The following NLGN1 variants were observed in gnomAD, a reference collection of about 807,000 sequenced individuals.
NLGN1 encodes the protein neuroligin 1.
A neutral mutation model predicts 65.5 loss-of-function variants in NLGN1; 12 were observed. That is an observed-to-expected ratio of 0.18 (90% CI 0.12 to 0.30). The LOEUF (loss-of-function observed/expected upper bound fraction) is 0.30, where lower values mean the gene tolerates loss of function less well. NLGN1 is among the 10% of genes least tolerant of loss of function. NLGN1 has a pLI of 1.00. For missense variants in NLGN1, 750 were observed against 1,007.1 expected, an observed-to-expected ratio of 0.74 and a Z score of 3.46; for synonymous variants, 350 against 359.5, an observed-to-expected ratio of 0.97 and a Z score of 0.30.
At chr3:173,926,415 A>G (rs929525507) in intron 4 of NLGN1, among the ~76,000 whole-genome samples, 1 of 152,176 alleles carries the variant, frequency 6.6e-6, no homozygotes, top group African/African-American at 2.4e-5. Flanking sequence ...TATAACTCGC[A>G]GCTTGCCATA....
At chr3:173,710,015 A>G (rs1768704292) in intron 3 of NLGN1, among the ~76,000 whole-genome samples, 2 of 152,134 alleles carry the variant, frequency 1.3e-5, no homozygotes, top group African/African-American at 2.4e-5. Flanking sequence ...ATTAAAACCT[A>G]CTGTTCATCT....
chr3:174,171,171 A>C (rs1273637351), intron 4 of NLGN1, among the ~76,000 whole-genome samples: 2 of 152,156 alleles, frequency 1.3e-5, no homozygotes, highest in Non-Finnish European at 2.9e-5. Context: ...TAATAAATCA[A>C]ATATTTTTGC....
At chr3:173,907,949 A>T (rs1343587212) in intron 4 of NLGN1, among the ~76,000 whole-genome samples, 1 of 152,082 alleles carries the variant, frequency 6.6e-6, no homozygotes, top group African/African-American at 2.4e-5. Context: ...CGAACTCCTG[A>T]CCTCAGGTGA....
chr3:173,644,821 T>A (rs1560099414), intron 3 of NLGN1: 1 of 152,974 alleles, frequency 6.5e-6, no homozygotes, highest in East Asian at 1.9e-4. Context: ...AGCCCTGCCC[T>A]GGCCAGGCCT....
At chr3:173,892,740 G>T (rs1735597480) in intron 4 of NLGN1, among the ~76,000 whole-genome samples, 1 of 151,614 alleles carries the variant, frequency 6.6e-6, no homozygotes, top group Non-Finnish European at 1.5e-5. Context: ...GAGCCACTGG[G>T]CAGGAAAATG....
At chr3:173,849,604 G>A (rs1726494350) in intron 4 of NLGN1, among the ~76,000 whole-genome samples, 1 of 152,174 alleles carries the variant, frequency 6.6e-6, no homozygotes, top group African/African-American at 2.4e-5. Flanking sequence ...CTATCTTAAA[G>A]TACTGCTTAT....
intron 4 of NLGN1, among the ~76,000 whole-genome samples, chr3:173,903,670 A>G (rs574485352): frequency 6.6e-6 from 1 of 152,258 alleles, no homozygotes; most frequent in African/African-American, 2.4e-5. Flanking sequence ...TACAGAATAT[A>G]GAAGAGAGGG....
chr3:173,582,121 C>T (rs903052956), intron 2 of NLGN1, among the ~76,000 whole-genome samples: 9 of 151,838 alleles, frequency 5.9e-5, no homozygotes, highest in South Asian at 2.1e-4. Flanking sequence ...AGCATCTTTC[C>T]GCAACATCCT....
At chr3:173,807,117 A>G (rs1237408915) in intron 3 of NLGN1, among the ~76,000 whole-genome samples, 1 of 152,196 alleles carries the variant, frequency 6.6e-6, no homozygotes, top group East Asian at 1.9e-4. Context: ...TTCATCTGAC[A>G]TTACTTAGGT....
At chr3:173,989,504 T>A (rs192661799) in intron 4 of NLGN1, among the ~76,000 whole-genome samples, 7 of 152,322 alleles carry the variant, frequency 4.6e-5, no homozygotes, top group African/African-American at 1.4e-4. Flanking sequence ...AATATATTTT[T>A]AAAAAATTCT....
intron 3 of NLGN1, among the ~76,000 whole-genome samples, chr3:173,682,746 A>G (rs1327252693): frequency 1.3e-5 from 2 of 152,156 alleles, no homozygotes; most frequent in African/African-American, 4.8e-5. Context: ...AGTAGGATAT[A>G]AATAACTCCC....
intron 2 of NLGN1, among the ~76,000 whole-genome samples, chr3:173,452,784 G>A (rs908515784): frequency 2.1e-4 from 32 of 152,172 alleles, no homozygotes; most frequent in African/African-American, 7.0e-4. Flanking sequence ...CAGAAATACT[G>A]TGTGTTCGGT....
At chr3:174,058,016 G>A (rs1469675017) in intron 4 of NLGN1, among the ~76,000 whole-genome samples, 2 of 152,084 alleles carry the variant, frequency 1.3e-5, no homozygotes. Flanking sequence ...AGAGACAGTT[G>A]TAGCTAAGAT....
chr3:173,942,222 C>T (rs968127495), intron 4 of NLGN1, among the ~76,000 whole-genome samples: 3 of 151,792 alleles, frequency 2.0e-5, no homozygotes, highest in Non-Finnish European at 2.9e-5. Flanking sequence ...TAGTGAAGCA[C>T]TGCCTATATT....
intron 4 of NLGN1, among the ~76,000 whole-genome samples, chr3:174,019,066 G>A (rs1035849436): frequency 7.6e-6 from 1 of 132,244 alleles, no homozygotes; most frequent in Non-Finnish European, 1.8e-5. Flanking sequence ...TAATAAATCA[G>A]GTATTCAATG....
At chr3:173,590,691 A>G (rs1252010467) in intron 2 of NLGN1, among the ~76,000 whole-genome samples, 1 of 152,176 alleles carries the variant, frequency 6.6e-6, no homozygotes, top group Non-Finnish European at 1.5e-5. Context: ...TGGGATCTTC[A>G]TTTTTGCTTT....
chr3:173,888,766 G>A (rs1734811616), intron 4 of NLGN1, among the ~76,000 whole-genome samples: 1 of 151,836 alleles, frequency 6.6e-6, no homozygotes, highest in Admixed American at 6.6e-5. Flanking sequence ...TTTTTTTTGA[G>A]TGTTGAAGAA....
chr3:173,651,072 T>C (rs1759095305), intron 3 of NLGN1, among the ~76,000 whole-genome samples: 1 of 152,028 alleles, frequency 6.6e-6, no homozygotes, highest in Non-Finnish European at 1.5e-5. Flanking sequence ...TATTCATCCC[T>C]CACCTGTCTC....
chr3:173,528,868 T>G (rs144675580), intron 2 of NLGN1, among the ~76,000 whole-genome samples: 1 of 152,304 alleles, frequency 6.6e-6, no homozygotes, highest in East Asian at 1.9e-4. Flanking sequence ...TGTGTGTTGG[T>G]TTTCAACCTT....
Sources: gnomAD v4.1 joint callset for allele counts (sites outside exome capture counted in the v4.1 genomes callset) on GRCh38, gnomAD v4.1.1 for gene constraint, MANE v1.5 for transcripts, NCBI Gene and HGNC (gene_info 2026-07-23, HGNC 2026-07-21) for gene names.